LIPC: variants seen among roughly 807,000 people sequenced by gnomAD.
LIPC encodes the protein hepatic triacylglycerol lipase.
Under a neutral mutation model 50.7 loss-of-function variants are expected in LIPC, and 44 were observed. The ratio of observed to expected loss-of-function variants is 0.87; its 90% CI spans 0.68 to 1.11. LIPC has a LOEUF of 1.11. Ranked by LOEUF, LIPC falls within the 50% of genes most tolerant of loss-of-function variation. LIPC has a pLI of 0.00. For missense variants in LIPC, 697 were observed against 648.2 expected (o/e 1.08, Z -0.82); for synonymous variants, 271 against 256.4 (o/e 1.06, Z -0.54).
chr15:58,490,492 C>T (rs1424924436), intron 1 of LIPC, among the ~76,000 whole-genome samples: 4 of 152,312 alleles, frequency 2.6e-5, no homozygotes, highest in South Asian at 4.1e-4. Context: ...GAGCCGGCGC[C>T]GTTCGCGGGA....
chr15:58,535,157 C>T (rs1207051421), intron 1 of LIPC, among the ~76,000 whole-genome samples: 5 of 152,204 alleles, frequency 3.3e-5, no homozygotes, highest in East Asian at 1.9e-4. Context: ...AAAGCCCCTA[C>T]GCAGGGCATT....
intron 1 of LIPC, among the ~76,000 whole-genome samples, chr15:58,449,093 G>A (rs1312723319): frequency 2.6e-5 from 4 of 152,180 alleles, no homozygotes; most frequent in Admixed American, 6.5e-5. Context: ...GGAGCCCAGG[G>A]GAGGAGGGAG....
At chr15:58,472,655 A>G (rs144300074) in intron 1 of LIPC, among the ~76,000 whole-genome samples, 49 of 152,082 alleles carry the variant, frequency 3.2e-4, no homozygotes, top group Non-Finnish European at 6.5e-4. Context: ...ATATAATTAT[A>G]TTTAAAGAAT....
chr15:58,560,128 G>A (rs530954075), intron 6 of LIPC, among the ~76,000 whole-genome samples: 30 of 152,148 alleles, frequency 2.0e-4, no homozygotes, highest in Non-Finnish European at 3.2e-4. Flanking sequence ...ATTTAACAAC[G>A]CCTGTCTAAT....
At chr15:58,552,939 C>T (rs1288576833) in intron 6 of LIPC, among the ~76,000 whole-genome samples, 1 of 152,178 alleles carries the variant, frequency 6.6e-6, no homozygotes, top group African/African-American at 2.4e-5. Context: ...GTCTCAAAAC[C>T]TGCCCCGGTC....
intron 1 of LIPC, among the ~76,000 whole-genome samples, chr15:58,450,493 G>A (rs1893861813): frequency 6.6e-6 from 1 of 152,194 alleles, no homozygotes; most frequent in African/African-American, 2.4e-5. Flanking sequence ...TTGGGAAAAA[G>A]AACAGCACCG....
At position 58,453,413 on chromosome 15, in the gene LIPC, C is replaced by T. The variant is rs372647459; in HGVS notation, c.88+21293C>T. Among the ~76,000 whole-genome samples the T allele has an allele frequency of 2.2e-4, 34 of 152,278 alleles. No individual in the cohort carries two copies. In the South Asian group the frequency reaches 6.6e-3, roughly 30 times the overall value. On this transcript the variant is annotated intron_variant, in intron 1 of 8. Coordinates refer to ENST00000299022, the MANE Select transcript of LIPC (RefSeq NM_000236.3). ...CGGTAAGTGATTCTAATCGGTCCCC[C>T]AACTTGAACTCTAGAGACTAACAAT... is the stretch of plus-strand genomic sequence containing the variant.
At chr15:58,440,648 GGC>G (rs1240916753) in intron 1 of LIPC, among the ~76,000 whole-genome samples, 10 of 152,196 alleles carry the variant, frequency 6.6e-5, no homozygotes, top group African/African-American at 2.2e-4. Flanking sequence ...GATTGGGAGA[GGC>G]GCATAATTTC....
At chr15:58,496,077 C>T (rs1325092897) in intron 1 of LIPC, among the ~76,000 whole-genome samples, 1 of 152,184 alleles carries the variant, frequency 6.6e-6, no homozygotes, top group Non-Finnish European at 1.5e-5. Flanking sequence ...CAAGCCTTCT[C>T]ATCCCTATCA....
At position 58,447,098 on chromosome 15, in the gene LIPC, G is replaced by A. The variant is rs575310916; in HGVS notation, c.88+14978G>A. Among the ~76,000 whole-genome samples the A allele has an allele frequency of 6.5e-5, 9 of 139,162 alleles. No individual in the cohort carries two copies. The East Asian group carries it at 8.7e-4, about 13-fold the overall frequency. The allele number at this position is 139,162 out of a possible 152,430, so 91.3% of individuals were successfully genotyped here. On this transcript the variant is annotated intron_variant, in intron 1 of 8. Transcript: ENST00000299022. Reference sequence around the variant, plus strand: ...AGGAGGGTGGAGGTTGCAGTGAGCCGAGATTGCGCCACTGCACCCAGCCTG... The same window carrying A: ...AGGAGGGTGGAGGTTGCAGTGAGCCAAGATTGCGCCACTGCACCCAGCCTG...
intron 1 of LIPC, among the ~76,000 whole-genome samples, chr15:58,510,933 A>G (rs1396343681): frequency 6.6e-6 from 1 of 152,236 alleles, no homozygotes; most frequent in African/African-American, 2.4e-5. Flanking sequence ...CCTTCCAGAA[A>G]TACTTTAGTA....
intron 1 of LIPC, among the ~76,000 whole-genome samples, chr15:58,446,046 C>T (rs867020737): frequency 5.3e-5 from 8 of 152,004 alleles, no homozygotes; most frequent in South Asian, 2.1e-4. Flanking sequence ...TTTGCATTTT[C>T]GTATATTTGC....
chr15:58,447,362 G>A (rs1030262516), intron 1 of LIPC, among the ~76,000 whole-genome samples: 28 of 152,040 alleles, frequency 1.8e-4, no homozygotes, highest in African/African-American at 6.3e-4. Context: ...CAGGACCATC[G>A]ACTGAGAGGG....
At chr15:58,448,656 T>A (rs760007073) in intron 1 of LIPC, among the ~76,000 whole-genome samples, 3 of 152,184 alleles carry the variant, frequency 2.0e-5, no homozygotes, top group Admixed American at 6.5e-5. Context: ...GCTAGGAGCT[T>A]CCCTGGAAGA....
At chr15:58,557,764 G>A (rs1325831599) in intron 6 of LIPC, among the ~76,000 whole-genome samples, 1 of 152,094 alleles carries the variant, frequency 6.6e-6, no homozygotes, top group Non-Finnish European at 1.5e-5. Flanking sequence ...ATATTAAACT[G>A]AATTGAAGAT....
At chr15:58,499,015 C>T (rs536170603) in intron 1 of LIPC, among the ~76,000 whole-genome samples, 4 of 152,302 alleles carry the variant, frequency 2.6e-5, no homozygotes, top group Middle Eastern at 3.4e-3. Flanking sequence ...GGCCTTGCTT[C>T]GCTGAGCATG....
intron 2 of LIPC, among the ~76,000 whole-genome samples, chr15:58,540,352 T>A (rs1893278634): frequency 6.6e-6 from 1 of 152,180 alleles, no homozygotes; most frequent in African/African-American, 2.4e-5. Context: ...TTCCAGACAC[T>A]GCTCTAAGCG....
chr15:58,443,657 T>C (rs1408700486), intron 1 of LIPC, among the ~76,000 whole-genome samples: 1 of 152,190 alleles, frequency 6.6e-6, no homozygotes, highest in Non-Finnish European at 1.5e-5. Context: ...CTGAGAAAGC[T>C]CCTTTCATGC....
At chr15:58,435,301 G>A (rs1431628534) in intron 1 of LIPC, 1 of 152,176 alleles carries the variant, frequency 6.6e-6, no homozygotes, top group Non-Finnish European at 1.5e-5. Flanking sequence ...GTGATGTATT[G>A]CTTTGTTTGA....
Sources: allele counts gnomAD v4.1 joint callset (sites outside exome capture counted in the v4.1 genomes callset), GRCh38; gene constraint gnomAD v4.1.1; transcripts MANE v1.5; gene names NCBI Gene and HGNC (gene_info 2026-07-23, HGNC 2026-07-21).